Variants in SLC8A2 observed in about 807,000 individuals in gnomAD.
The protein encoded by SLC8A2 is sodium/calcium exchanger 2.
A neutral mutation model predicts 70.2 loss-of-function variants in SLC8A2; 14 were observed. The ratio of observed to expected loss-of-function variants is 0.20; its 90% CI spans 0.13 to 0.31. SLC8A2 has a LOEUF of 0.31. Among genes scored for constraint, SLC8A2 ranks in the 10% least tolerant of loss-of-function variants. The pLI is 1.00. For missense variants in SLC8A2, 779 were observed against 1,320.1 expected (o/e 0.59, Z 6.35); for synonymous variants, 575 against 594.3 (o/e 0.97, Z 0.47).
chr19:47,451,548 A>G (rs1488832457), intron 3 of SLC8A2, among the ~76,000 whole-genome samples: 2 of 152,120 alleles, frequency 1.3e-5, no homozygotes, highest in South Asian at 2.1e-4. Flanking sequence ...GGCTCAAGCA[A>G]TCCGCTGGCC....
chr19:47,454,155 T>TA (rs1051490784), intron 3 of SLC8A2, among the ~76,000 whole-genome samples: 1 of 151,888 alleles, frequency 6.6e-6, no homozygotes, highest in Non-Finnish European at 1.5e-5. Flanking sequence ...CAAAAAACAA[T>TA]AAAAAACAAT....
chr19:47,444,026 G>T (rs536210842), intron 4 of SLC8A2, among the ~76,000 whole-genome samples: 1 of 151,936 alleles, frequency 6.6e-6, no homozygotes, highest in Non-Finnish European at 1.5e-5. Flanking sequence ...CTCCTAAGTA[G>T]CTGGAAATAT....
rs374228941 is a variant in SLC8A2, at chr19:47,437,569, T to TGA, written c.2011-10_2011-9dup. On this transcript the variant is annotated splice_polypyrimidine_tract_variant and intron_variant, in intron 7 of 9. Transcript: ENST00000236877. ...GAGTTTATCCACCGTGTTCTGGGGA[T>TGA]GAGAGGGTGGGGGAGAGGTCACTGC... is the stretch of plus-strand genomic sequence containing the variant. 0.012 allele frequency: 19,000 copies of TGA among 1,605,214 alleles called. 183 individuals carry two copies. Among genetic ancestry groups the TGA allele is most frequent in the Middle Eastern group, 0.032 (193 of 6,050 alleles).
In SLC8A2 at chr19:47,432,647, C is replaced by T; in HGVS notation, c.2111-202G>A. ...CTTGAAGCTAGGAGCTTGATTGGGC[C>T]CAGGTGAAAAATATTTACTTTCCCA... is the stretch of plus-strand genomic sequence containing the variant. On this transcript the variant is annotated intron_variant, in intron 8 of 9. Coordinates refer to ENST00000236877, the MANE Select transcript of SLC8A2 (RefSeq NM_015063.3). The surrounding 1 kb of genome is among the most constrained non-coding windows in gnomAD (Gnocchi z 6.2). The T allele has an allele frequency of 4.1e-6, 2 of 491,944 alleles. No individual in the cohort carries two copies. Among genetic ancestry groups the T allele is most frequent in the Non-Finnish European group, 7.0e-6 (2 of 283,734 alleles). The allele number at this position is 491,944 out of a possible 1,614,324, so 30.5% of individuals were successfully genotyped here. A position where few individuals can be genotyped will look rare whatever the true frequency, so the allele number is the denominator to read the frequency against.
In SLC8A2 at chr19:47,437,569, TGA is replaced by T; in HGVS notation, c.2011-10_2011-9del. On this transcript the variant is annotated splice_polypyrimidine_tract_variant and intron_variant, in intron 7 of 9. Coordinates refer to ENST00000236877, the MANE Select transcript of SLC8A2 (RefSeq NM_015063.3). ...GAGTTTATCCACCGTGTTCTGGGGA[TGA>T]GAGGGTGGGGGAGAGGTCACTGCCC... The T allele has an allele frequency of 6.2e-7, 1 of 1,605,290 alleles. No individual in the cohort carries two copies. Among genetic ancestry groups the T allele is most frequent in the Non-Finnish European group, 8.5e-7 (1 of 1,172,044 alleles).
chr19:47,459,422 G>A (rs1013242459), intron 2 of SLC8A2, among the ~76,000 whole-genome samples: 6 of 151,612 alleles, frequency 4.0e-5, no homozygotes, highest in Admixed American at 2.6e-4. Context: ...TCCCTCCCTT[G>A]TGAGTTTCTT....
chr19:47,446,910 CAT>C (rs771291355), intron 4 of SLC8A2, among the ~76,000 whole-genome samples: 9 of 152,072 alleles, frequency 5.9e-5, no homozygotes, highest in African/African-American at 1.9e-4. Context: ...CGTCTGTCTA[CAT>C]GTGTGTGTCT....
At chr19:47,435,865 C>T (rs1472349439) in intron 8 of SLC8A2, among the ~76,000 whole-genome samples, 2 of 152,052 alleles carry the variant, frequency 1.3e-5, no homozygotes. Context: ...CTAGTTTCTA[C>T]AGCCTCTACC....
intron 2 of SLC8A2, among the ~76,000 whole-genome samples, chr19:47,460,970 T>G (rs757507305): frequency 6.6e-6 from 1 of 152,074 alleles, no homozygotes; most frequent in Non-Finnish European, 1.5e-5. Flanking sequence ...TCCCAGCACT[T>G]TGGGAGGCGG....
In SLC8A2 at chr19:47,466,883, C is replaced by T. The variant is rs945275000; in HGVS notation, c.-16-464G>A. On this transcript the variant is annotated intron_variant, in intron 1 of 9. Transcript: ENST00000236877. The surrounding 1 kb of genome is among the most constrained non-coding windows in gnomAD (Gnocchi z 6.9). ...ACCAGCCTGGCCAACATGGTGAAAC[C>T]CCGTCTCTACTAAAAATACAAAAAT... is the stretch of plus-strand genomic sequence containing the variant. 5.8e-4 allele frequency among the ~76,000 whole-genome samples: 88 copies of T among 152,084 alleles called. No individual in the cohort carries two copies. The highest frequency in any genetic ancestry group is 2.0e-3 in the African/African-American group (83 of 41,458).
At position 47,430,028 on chromosome 19, in the gene SLC8A2, G is replaced by C. The variant is rs532880296; in HGVS notation, c.*61C>G. 1,953 of 1,499,162 alleles carry C rather than the reference G, an allele frequency of 1.3e-3. 3 individuals are homozygous for C. Among genetic ancestry groups the C allele is most frequent in the Non-Finnish European group, 1.6e-3 (1,750 of 1,118,674 alleles). The allele number at this position is 1,499,162 out of a possible 1,614,324, so 92.9% of individuals were successfully genotyped here. On this transcript the variant is annotated 3_prime_UTR_variant, in exon 10 of 10. Coordinates refer to ENST00000236877, the MANE Select transcript of SLC8A2 (RefSeq NM_015063.3). This position sits in a 1 kb window ranked among gnomAD's most constrained non-coding sequence, Gnocchi z 5.9. ...GGGAAAAGGAGACCAGGGTCCAAGA[G>C]CAGGTGCAGCCGAGTCCCTAGCCCC...
chr19:47,471,286 GGAGA>G (rs923967647), intron 1 of SLC8A2, among the ~76,000 whole-genome samples: 2 of 151,922 alleles, frequency 1.3e-5, no homozygotes, highest in African/African-American at 4.8e-5. Context: ...CAAGAGGAAA[GGAGA>G]GAGAAACCCA....
At chr19:47,446,769 G>A (rs1967167695) in intron 4 of SLC8A2, among the ~76,000 whole-genome samples, 1 of 152,084 alleles carries the variant, frequency 6.6e-6, no homozygotes, top group South Asian at 2.1e-4. Context: ...CAAACTCCTG[G>A]CCTCAAATGA....
In SLC8A2 at chr19:47,471,064, AAGAG is replaced by A. The variant is rs1373142551; in HGVS notation, c.-17+721_-17+724del. ...TCCCAGGGAGAGCCAGAGAAGAGGA[AAGAG>A]AGAGAGAAACAGAGACTGAGATATC... On this transcript the variant is annotated intron_variant, in intron 1 of 9. Transcript: ENST00000236877. 7.9e-5 allele frequency among the ~76,000 whole-genome samples: 12 copies of A among 151,144 alleles called. No individual in the cohort carries two copies. In the East Asian group the frequency reaches 1.2e-3, roughly 15 times the overall value.
At chr19:47,460,552 C>T (rs1046636610) in intron 2 of SLC8A2, among the ~76,000 whole-genome samples, 1 of 151,846 alleles carries the variant, frequency 6.6e-6, no homozygotes, top group Non-Finnish European at 1.5e-5. Context: ...ACAAAATTAG[C>T]CAGGCATGGT....
intron 4 of SLC8A2, among the ~76,000 whole-genome samples, chr19:47,441,954 T>C (rs980060332): frequency 6.6e-6 from 1 of 151,992 alleles, no homozygotes; most frequent in Non-Finnish European, 1.5e-5. Flanking sequence ...ATACAAAAAT[T>C]AGCTGGGTGT....
intron 9 of SLC8A2, among the ~76,000 whole-genome samples, chr19:47,431,657 C>CAA (rs774813485): frequency 3.2e-4 from 15 of 47,286 alleles, no homozygotes; most frequent in Non-Finnish European, 6.3e-4. Context: ...GTCCCCACAC[C>CAA]AAAAAAAAAA....
At position 47,438,020 on chromosome 19, in the gene SLC8A2, T is replaced by C. The variant is rs147172069; in HGVS notation, c.1886-47A>G. 3.4e-4 allele frequency: 552 copies of C among 1,611,604 alleles called. 2 individuals are homozygous for C. The East Asian group carries it at 5.9e-3, about 17-fold the overall frequency. On this transcript the variant is annotated intron_variant, in intron 6 of 9. Transcript: ENST00000236877. ...TTAGACTCCTGGGAGACCTACCTAATTGGGCCTGTGACGCCTTTACTACCT... is the reference window on the plus strand; with the variant it reads ...TTAGACTCCTGGGAGACCTACCTAACTGGGCCTGTGACGCCTTTACTACCT...
intron 1 of SLC8A2, among the ~76,000 whole-genome samples, chr19:47,471,535 G>A (rs954183028): frequency 6.6e-6 from 1 of 151,832 alleles, no homozygotes; most frequent in African/African-American, 2.4e-5. Flanking sequence ...TGGGGGCGGG[G>A]TGTCCTCGCC....
Sources: allele counts gnomAD v4.1 joint callset (sites outside exome capture counted in the v4.1 genomes callset), GRCh38; gene constraint gnomAD v4.1.1; non-coding constraint Gnocchi (gnomAD v3.1); transcripts MANE v1.5; gene names NCBI Gene and HGNC (gene_info 2026-07-23, HGNC 2026-07-21).